Variants in IPCEF1 observed in about 807,000 individuals in gnomAD.
The protein encoded by IPCEF1 is interactor protein for cytohesin exchange factors 1.
In IPCEF1, 31 loss-of-function variants were observed where a neutral mutation model predicts 50.9. That is an observed-to-expected ratio of 0.61 (90% confidence interval 0.46 to 0.82). The LOEUF (loss-of-function observed/expected upper bound fraction) is 0.82, where lower values mean the gene tolerates loss of function less well. IPCEF1 is among the 40% of genes least tolerant of loss of function. The pLI is 0.00. For synonymous variants in IPCEF1, 181 were observed against 192.0 expected (o/e 0.94, Z 0.47); for missense variants, 458 against 514.0 (o/e 0.89, Z 1.05).
At chr6:154,322,132 A>G (rs79265826) in intron 1 of IPCEF1, among the ~76,000 whole-genome samples, 3,205 of 152,100 alleles carry the variant, frequency 0.021, 61 homozygotes, top group Non-Finnish European at 0.032. Context: ...TGCATACACC[A>G]AACTTCGAAA....
intron 1 of IPCEF1, among the ~76,000 whole-genome samples, chr6:154,314,958 G>A (rs963109820): frequency 2.0e-5 from 3 of 149,330 alleles, no homozygotes; most frequent in Non-Finnish European, 3.0e-5. Context: ...TCAGCTCACT[G>A]CAACCTCCGC....
chr6:154,322,138 C>T (rs1018346076), intron 1 of IPCEF1, among the ~76,000 whole-genome samples: 6 of 151,772 alleles, frequency 4.0e-5, no homozygotes, highest in East Asian at 1.9e-4. Flanking sequence ...CACCAAACTT[C>T]GAAAACATTT....
At chr6:154,165,340 T>A (rs920653034) in intron 11 of IPCEF1, among the ~76,000 whole-genome samples, 2 of 152,188 alleles carry the variant, frequency 1.3e-5, no homozygotes, top group Non-Finnish European at 2.9e-5. Flanking sequence ...CTTGACTGCT[T>A]TGAATTTTAA....
intron 7 of IPCEF1, among the ~76,000 whole-genome samples, chr6:154,219,985 A>AGTGTGTGTGTGTGTGTGTGTGT (rs57450665): frequency 8.6e-5 from 12 of 140,138 alleles, no homozygotes; most frequent in Middle Eastern, 3.6e-3. Context: ...ACCTGTAAGG[A>AGTGTGTGTGTGTGTGTGTGTGT]GTGTGTGTGT....
At chr6:154,326,935 G>A (rs11962233) in intron 1 of IPCEF1, among the ~76,000 whole-genome samples, 3 of 152,008 alleles carry the variant, frequency 2.0e-5, no homozygotes, top group South Asian at 2.1e-4. Flanking sequence ...TCTGATCTTC[G>A]ACAAACCTGA....
intron 1 of IPCEF1, among the ~76,000 whole-genome samples, chr6:154,339,953 T>C (rs924100591): frequency 5.3e-5 from 8 of 151,356 alleles, no homozygotes; most frequent in Non-Finnish European, 1.5e-5. Flanking sequence ...GTAATGGGAG[T>C]GGGGGAAACC....
chr6:154,282,499 G>A (rs536855323), intron 2 of IPCEF1, among the ~76,000 whole-genome samples: 136 of 152,184 alleles, frequency 8.9e-4, no homozygotes, highest in African/African-American at 2.0e-3. Context: ...TGGCTAACAC[G>A]GTGAAACCCT....
intron 2 of IPCEF1, among the ~76,000 whole-genome samples, chr6:154,268,441 A>G (rs1781812990): frequency 6.6e-6 from 1 of 152,030 alleles, no homozygotes; most frequent in Non-Finnish European, 1.5e-5. Flanking sequence ...ATTCCTAACT[A>G]TCCCTTAAAG....
At chr6:154,260,421 C>T (rs1450105990) in intron 3 of IPCEF1, among the ~76,000 whole-genome samples, 1 of 151,960 alleles carries the variant, frequency 6.6e-6, no homozygotes, top group South Asian at 2.1e-4. Flanking sequence ...TAAATTAAGG[C>T]TGTTTTCCTT....
At chr6:154,245,289 A>C (rs1268027920) in intron 5 of IPCEF1, among the ~76,000 whole-genome samples, 1 of 151,862 alleles carries the variant, frequency 6.6e-6, no homozygotes, top group East Asian at 1.9e-4. Context: ...AATGCTTGGA[A>C]AAAAAAAATG....
chr6:154,348,314 G>A (rs1261568848), intron 1 of IPCEF1, among the ~76,000 whole-genome samples: 2 of 152,186 alleles, frequency 1.3e-5, no homozygotes, highest in East Asian at 3.8e-4. Flanking sequence ...AACTCTGGTA[G>A]CTGTGTTCCA....
At chr6:154,350,037 C>T (rs922655036) in intron 1 of IPCEF1, among the ~76,000 whole-genome samples, 2 of 152,112 alleles carry the variant, frequency 1.3e-5, no homozygotes, top group Non-Finnish European at 2.9e-5. Context: ...CAAGAATATG[C>T]TTGAAATCCT....
chr6:154,248,867 AATATT>A (rs1228464573), intron 3 of IPCEF1, among the ~76,000 whole-genome samples: 11 of 152,296 alleles, frequency 7.2e-5, no homozygotes, highest in East Asian at 5.8e-4. Context: ...TGTGTAATAT[AATATT>A]ATATCGTTGA....
intron 1 of IPCEF1, among the ~76,000 whole-genome samples, chr6:154,341,129 C>G (rs552047010): frequency 6.6e-6 from 1 of 152,020 alleles, no homozygotes; most frequent in Non-Finnish European, 1.5e-5. Context: ...ATCAGCCTTT[C>G]CAAAGGAGGC....
chr6:154,193,724 C>G (rs1302579936), intron 10 of IPCEF1, among the ~76,000 whole-genome samples: 1 of 152,228 alleles, frequency 6.6e-6, no homozygotes, highest in African/African-American at 2.4e-5. Flanking sequence ...AAAACAAACA[C>G]TTCGGCCTTG....
chr6:154,314,859 A>G (rs1020536009), intron 1 of IPCEF1, among the ~76,000 whole-genome samples: 1 of 152,006 alleles, frequency 6.6e-6, no homozygotes, highest in Non-Finnish European at 1.5e-5. Context: ...TCTACTTTGT[A>G]AAGATGGCTT....
intron 5 of IPCEF1, among the ~76,000 whole-genome samples, chr6:154,228,022 G>A (rs1483458555): frequency 2.0e-5 from 3 of 151,914 alleles, no homozygotes; most frequent in Admixed American, 6.6e-5. Flanking sequence ...CAATCACAGA[G>A]GGCAAATCTT....
intron 1 of IPCEF1, among the ~76,000 whole-genome samples, chr6:154,315,952 C>T (rs577816671): frequency 3.3e-5 from 5 of 152,114 alleles, no homozygotes; most frequent in Non-Finnish European, 7.4e-5. Context: ...CTCCGCCTCC[C>T]AGGTTCAAGT....
intron 9 of IPCEF1, among the ~76,000 whole-genome samples, chr6:154,204,456 C>CA (rs1214117315): frequency 6.6e-6 from 1 of 152,058 alleles, no homozygotes; most frequent in East Asian, 1.9e-4. Flanking sequence ...TTAGCAAAAA[C>CA]AAAAAATAAA....
Sources: allele counts gnomAD v4.1 joint callset (sites outside exome capture counted in the v4.1 genomes callset), GRCh38; gene constraint gnomAD v4.1.1; transcripts MANE v1.5; gene names NCBI Gene and HGNC (gene_info 2026-07-23, HGNC 2026-07-21).